The following MAP3K19 variants were observed in gnomAD, a reference collection of about 807,000 sequenced individuals.
The protein encoded by MAP3K19 is mitogen-activated protein kinase kinase kinase 19.
A neutral mutation model predicts 114.4 loss-of-function variants in MAP3K19; 91 were observed. The observed-to-expected ratio is 0.80, with a 90% CI of 0.67 to 0.95. The LOEUF is 0.95. MAP3K19 is among the 40% of genes least tolerant of loss of function. The probability of loss-of-function intolerance (pLI) is 0.00; values close to 1 mark genes in which losing one functional copy is unlikely to be tolerated. For missense variants in MAP3K19, 1,471 were observed against 1,573.2 expected, an observed-to-expected ratio of 0.94 and a Z score of 1.10; for synonymous variants, 518 against 530.5, an observed-to-expected ratio of 0.98 and a Z score of 0.32.
chr2:135,002,544 G>A (rs538931788), intron 6 of MAP3K19, among the ~76,000 whole-genome samples: 4 of 151,590 alleles, frequency 2.6e-5, no homozygotes, highest in Non-Finnish European at 5.9e-5. Context: ...GAGCATGGAG[G>A]TTCAAAATAT....
chr2:134,986,404 T>C lies in MAP3K19; in HGVS notation c.2468A>G (p.Asp823Gly). The C allele has an allele frequency of 6.2e-7, 1 of 1,613,868 alleles. No homozygotes were observed. The highest frequency in any genetic ancestry group is 8.5e-7 in the Non-Finnish European group (1 of 1,180,010). ...GGTGAGTATTTGATTGTTAGAAATGTCTCTATCACCAGTAGACTCTTCCAT... is the reference window on the plus strand; with the variant it reads ...GGTGAGTATTTGATTGTTAGAAATGCCTCTATCACCAGTAGACTCTTCCAT... ...VSMEESTGDRDISNNQILTTS... is the reference protein window; with the variant it reads ...VSMEESTGDRGISNNQILTTS... The change falls in exon 10 of 13, where the codon GAC becomes GGC. Residue 823 changes from aspartate (D) to glycine (G), a missense_variant. Physicochemically the swap from Asp to Gly is moderately conservative, Grantham distance 94. Coordinates refer to ENST00000392915, the MANE Select transcript of MAP3K19 (RefSeq NM_025052.5).
chr2:134,983,969 C>T lies in MAP3K19; in HGVS notation c.3073-144G>A, dbSNP rs58472267. On this transcript the variant is annotated intron_variant, in intron 10 of 12. Coordinates refer to ENST00000392915, the MANE Select transcript of MAP3K19 (RefSeq NM_025052.5). Reference sequence around the variant, plus strand: ...AACTTCTAGAGACACATCATTCCCCCAAATGACCACATAGTGTATCTTAGT... The same window carrying T: ...AACTTCTAGAGACACATCATTCCCCTAAATGACCACATAGTGTATCTTAGT... 2.5e-3 allele frequency: 1,373 copies of T among 555,532 alleles called. 15 individuals are homozygous for T. Among genetic ancestry groups the T allele is most frequent in the African/African-American group, 0.024 (1,253 of 51,314 alleles). The allele number at this position is 555,532 out of a possible 1,614,324, so 34.4% of individuals were successfully genotyped here. A position where few individuals can be genotyped will look rare whatever the true frequency, so the allele number is the denominator to read the frequency against.
intron 2 of MAP3K19, among the ~76,000 whole-genome samples, chr2:135,034,831 GA>G (rs1688491376): frequency 1.6e-4 from 3 of 18,308 alleles, no homozygotes; most frequent in African/African-American, 9.1e-4. Context: ...GGGAGAGGGG[GA>G]GGGGGAGGGG....
In MAP3K19 at chr2:134,986,769, A is replaced by T; in HGVS notation, c.2103T>A (p.Cys701Ter). ...APSGRRITNKCRSSHSERKSN... is the reference protein window; with the variant it reads ...APSGRRITNK ...TCTTCCTCTCACTGTGTGAAGATCG[A>T]CATTTATTGGTGATACGTCTGCCTG... Residue 701 changes from cysteine to a stop codon, truncating the protein, a stop_gained, in exon 10 of 13, where the codon TGT becomes TGA. Coordinates refer to ENST00000392915, the MANE Select transcript of MAP3K19 (RefSeq NM_025052.5). LOFTEE classifies it high-confidence loss of function. The T allele has an allele frequency of 6.2e-7, 1 of 1,614,082 alleles. No individual in the cohort carries two copies. The highest frequency in any genetic ancestry group is 8.5e-7 in the Non-Finnish European group (1 of 1,180,006).
intron 3 of MAP3K19, among the ~76,000 whole-genome samples, chr2:135,028,848 G>A (rs953844726): frequency 1.3e-5 from 2 of 152,206 alleles, no homozygotes; most frequent in South Asian, 2.1e-4. Flanking sequence ...TACTTCAGCA[G>A]GGTACTGTGG....
At chr2:135,040,812 G>A (rs1688631497) in intron 1 of MAP3K19, among the ~76,000 whole-genome samples, 1 of 152,172 alleles carries the variant, frequency 6.6e-6, no homozygotes. Context: ...GAGGAGAAGA[G>A]AGGATGTATC....
chr2:135,026,784 G>A lies in MAP3K19; in HGVS notation c.-94-2043C>T, dbSNP rs990593757. ...TTTCTGAAATAATTAGTAATATCTT[G>A]GGGGTAGAGAGCTGGATACTCAAGA... is the stretch of plus-strand genomic sequence containing the variant. On this transcript the variant is annotated intron_variant, in intron 3 of 12. Transcript: ENST00000392915. 3.3e-5 allele frequency among the ~76,000 whole-genome samples: 5 copies of A among 152,054 alleles called. No homozygotes were observed. In the East Asian group the frequency reaches 7.7e-4, roughly 23 times the overall value.
At chr2:134,965,231 T>C (rs2105115491) in intron 12 of MAP3K19, among the ~76,000 whole-genome samples, 1 of 152,342 alleles carries the variant, frequency 6.6e-6, no homozygotes, top group Non-Finnish European at 1.5e-5. Flanking sequence ...TAGGCCCTAC[T>C]TTCCCATTGT....
intron 8 of MAP3K19, among the ~76,000 whole-genome samples, chr2:134,992,967 C>A (rs1685694954): frequency 6.6e-6 from 1 of 152,308 alleles, no homozygotes; most frequent in Middle Eastern, 3.4e-3. Context: ...GTGTGAGCCA[C>A]CGCGCCCAAC....
chr2:135,039,954 T>C (rs912741463), intron 2 of MAP3K19, among the ~76,000 whole-genome samples: 2 of 152,204 alleles, frequency 1.3e-5, no homozygotes, highest in African/African-American at 4.8e-5. Flanking sequence ...GCTGCCCTTT[T>C]AAGCCTTATT....
intron 6 of MAP3K19, among the ~76,000 whole-genome samples, chr2:135,000,678 G>C (rs1026482600): frequency 6.6e-6 from 1 of 152,208 alleles, no homozygotes; most frequent in Admixed American, 6.5e-5. Flanking sequence ...CCCTAGTAGA[G>C]CTGATAAGAA....
At chr2:135,007,101 G>A (rs1686877929) in intron 5 of MAP3K19, among the ~76,000 whole-genome samples, 1 of 151,336 alleles carries the variant, frequency 6.6e-6, no homozygotes, top group Non-Finnish European at 1.5e-5. Context: ...GGAGGTTGAG[G>A]CTGCAGTGAG....
chr2:135,010,147 A>G (rs777379372), intron 5 of MAP3K19, among the ~76,000 whole-genome samples: 78 of 152,304 alleles, frequency 5.1e-4, no homozygotes, highest in Admixed American at 1.8e-3. Flanking sequence ...AAGGGAAAGG[A>G]TACTCAAACC....
rs759435630 is a variant in MAP3K19, at chr2:134,964,817, CA to C, written c.*32del. 8.4e-6 allele frequency: 13 copies of C among 1,538,610 alleles called. No homozygotes were observed. In the South Asian group the frequency reaches 1.4e-4, roughly 16 times the overall value. On this transcript the variant is annotated 3_prime_UTR_variant, in exon 13 of 13. Coordinates refer to ENST00000392915, the MANE Select transcript of MAP3K19 (RefSeq NM_025052.5). ...CCACAATTAAGCAAGGGAGCATCTGCAGTGGAACTGGGAAGAAAGTCTTGAT... is the reference window on the plus strand; with the variant it reads ...CCACAATTAAGCAAGGGAGCATCTGCGTGGAACTGGGAAGAAAGTCTTGAT...
Position 134,987,711 on chromosome 2 carries a change from T to TA in MAP3K19, c.1160dup (p.Cys388MetfsTer21). 1 of 1,612,544 alleles carries TA rather than the reference T, an allele frequency of 6.2e-7. No individual in the cohort carries two copies. Among genetic ancestry groups the TA allele is most frequent in the Non-Finnish European group, 8.5e-7 (1 of 1,180,026 alleles). On this transcript the variant is annotated frameshift_variant, in exon 10 of 13. Coordinates refer to ENST00000392915, the MANE Select transcript of MAP3K19 (RefSeq NM_025052.5). LOFTEE classifies it high-confidence loss of function. ...CTTGGAACTTGCTTGGAATGGTACA[T>TA]ACTATTTCTGGATCTTGTTCATAGT...
intron 8 of MAP3K19, among the ~76,000 whole-genome samples, chr2:134,998,167 C>T (rs1686160525): frequency 6.6e-6 from 1 of 152,070 alleles, no homozygotes; most frequent in Admixed American, 6.5e-5. Context: ...CTTGGGGATC[C>T]AGGAATAAGG....
At chr2:134,978,883 CCAAATCTTTTGCAGCCCCCTGCTCCT>C (rs1446134541) in intron 12 of MAP3K19, among the ~76,000 whole-genome samples, 1 of 152,114 alleles carries the variant, frequency 6.6e-6, no homozygotes, top group African/African-American at 2.4e-5. Flanking sequence ...CTTTTCTACC[CCAAATCTTTTGCAGCCCCCTGCTCCT>C]CACTGCCTAT....
intron 5 of MAP3K19, among the ~76,000 whole-genome samples, chr2:135,017,293 G>A (rs1002156492): frequency 1.3e-5 from 2 of 152,084 alleles, no homozygotes; most frequent in African/African-American, 4.8e-5. Context: ...TTATTTTCTG[G>A]GGTTATTAAA....
At chr2:135,041,228 A>T (rs1308264726) in intron 1 of MAP3K19, among the ~76,000 whole-genome samples, 1 of 151,856 alleles carries the variant, frequency 6.6e-6, no homozygotes, top group Non-Finnish European at 1.5e-5. Context: ...ACTGTTCTGG[A>T]TTTTCCGGAA....
Sources: gnomAD v4.1 joint callset for allele counts (sites outside exome capture counted in the v4.1 genomes callset) on GRCh38, gnomAD v4.1.1 for gene constraint, MANE v1.5 for transcripts, NCBI Gene and HGNC (gene_info 2026-07-23, HGNC 2026-07-21) for gene names.